INTS6: variants seen among roughly 807,000 people sequenced by gnomAD.
INTS6 encodes DEAD box protein.
INTS6 carries 16 observed loss-of-function variants against 104.9 expected under a neutral mutation model. That is an observed-to-expected ratio of 0.15 (90% CI 0.10 to 0.23). INTS6 has a LOEUF of 0.23. Among genes scored for constraint, INTS6 ranks in the 10% least tolerant of loss-of-function variants. The pLI, the probability that INTS6 is intolerant of heterozygous loss-of-function variation, is 1.00. For missense variants in INTS6, 584 were observed against 1,062.8 expected, an observed-to-expected ratio of 0.55 and a Z score of 6.26; for synonymous variants, 324 against 358.7, an observed-to-expected ratio of 0.90 and a Z score of 1.09.
Position 51,452,937 on chromosome 13 carries a change from T to C in INTS6, c.-412A>G. On this transcript the variant is annotated 5_prime_UTR_variant, in exon 1 of 18. Coordinates refer to ENST00000311234, the MANE Select transcript of INTS6 (RefSeq NM_012141.3). This position sits in a 1 kb window ranked among gnomAD's most constrained non-coding sequence, Gnocchi z 4.2. ...GGAGCTGGCGAAGAGGGGAGTGGGC[T>C]GAGGGAAGATTGGCCCTGGGGCTGT... 9.4e-7 allele frequency: 1 copy of C among 1,061,086 alleles called. No homozygotes were observed. The highest frequency in any genetic ancestry group is 1.1e-6 in the Non-Finnish European group (1 of 875,638). 65.7% of individuals were successfully genotyped at this position (1,061,086 alleles called of 1,614,324 possible).
intron 7 of INTS6, chr13:51,385,177 T>G (rs922654251): frequency 2.0e-5 from 3 of 153,756 alleles, no homozygotes; most frequent in African/African-American, 7.2e-5. Flanking sequence ...TGAGTTGGCA[T>G]GTAACAACCT....
intron 4 of INTS6, among the ~76,000 whole-genome samples, chr13:51,428,077 C>T (rs1250715655): frequency 3.3e-5 from 5 of 152,140 alleles, no homozygotes. Context: ...ATACATTGTA[C>T]CCCAAAGGGC....
At position 51,364,147 on chromosome 13, in the gene INTS6, T is replaced by A; in HGVS notation, c.*1605A>T. On this transcript the variant is annotated 3_prime_UTR_variant, in exon 18 of 18. Coordinates refer to ENST00000311234, the MANE Select transcript of INTS6 (RefSeq NM_012141.3). ...TCCATCTATTAAATGTTATCTTGCA[T>A]TACTTAAAAGTATTTGTATAGAAGT... 1.8e-6 allele frequency: 1 copy of A among 555,890 alleles called. No individual in the cohort carries two copies. The highest frequency in any genetic ancestry group is 3.3e-5 in the South Asian group (1 of 30,538). 34.4% of individuals were successfully genotyped at this position (555,890 alleles called of 1,614,324 possible).
At chr13:51,395,218 T>C (rs933273965) in intron 5 of INTS6, 82 bp downstream of exon 5, 1 of 1,324,324 alleles carries the variant, frequency 7.6e-7, no homozygotes, top group Admixed American at 2.5e-5. Flanking sequence ...AAAACAAACA[T>C]GGAGCTTTTG....
rs1955652865 is a variant in INTS6 at position 51,364,736 on chromosome 13, C to G, written c.*1016G>C. The G allele has an allele frequency of 6.5e-6, 1 of 153,148 alleles. No individual in the cohort carries two copies. The highest frequency in any genetic ancestry group is 1.5e-5 in the Non-Finnish European group (1 of 68,570). The allele number at this position is 153,148 out of a possible 1,614,324, so 9.5% of individuals were successfully genotyped here. A position where few individuals can be genotyped will look rare whatever the true frequency, so the allele number is the denominator to read the frequency against. On this transcript the variant is annotated 3_prime_UTR_variant, in exon 18 of 18. Coordinates refer to ENST00000311234, the MANE Select transcript of INTS6 (RefSeq NM_012141.3). ...ATAAAACAGAGTTTAAGTGTGAGAA[C>G]AGCAGAGCAGAACAAGGAGGCCTCC...
chr13:51,387,025 AG>A (rs1047662117), intron 7 of INTS6, among the ~76,000 whole-genome samples: 2 of 152,172 alleles, frequency 1.3e-5, no homozygotes, highest in African/African-American at 4.8e-5. Flanking sequence ...AAAAAATTGC[AG>A]GCAAACTATC....
chr13:51,403,988 G>T (rs371079476), intron 4 of INTS6, among the ~76,000 whole-genome samples: 1 of 151,914 alleles, frequency 6.6e-6, no homozygotes. Context: ...TTGGGAGGCT[G>T]AGGCAGGCAG....
At chr13:51,359,477 C>T (rs1282723237), downstream of INTS6, among the ~76,000 whole-genome samples, 1 of 152,058 alleles carries the variant, frequency 6.6e-6, no homozygotes, top group Non-Finnish European at 1.5e-5. Context: ...AATTATTGGA[C>T]CACTCCTATA....
intron 4 of INTS6, among the ~76,000 whole-genome samples, chr13:51,399,709 T>G (rs942585583): frequency 6.8e-6 from 1 of 147,992 alleles, no homozygotes; most frequent in South Asian, 2.2e-4. Context: ...CCATTGTGGG[T>G]GTGTGTGTGT....
intron 3 of INTS6, chr13:51,443,495 G>A (rs1952835597): frequency 6.6e-6 from 1 of 152,080 alleles, no homozygotes; most frequent in Admixed American, 6.5e-5. Flanking sequence ...TTTGTTTAAA[G>A]TCTGGCAACC....
intron 4 of INTS6, among the ~76,000 whole-genome samples, chr13:51,424,236 TAAC>T (rs1956947071): frequency 6.6e-6 from 1 of 152,070 alleles, no homozygotes; most frequent in Non-Finnish European, 1.5e-5. Flanking sequence ...TGATATATCT[TAAC>T]AAAGAATTCT....
Position 51,362,329 on chromosome 13 carries a change from G to T in INTS6, c.*3423C>A. 4.8e-6 allele frequency: 1 copy of T among 209,536 alleles called. No homozygotes were observed. The highest frequency in any genetic ancestry group is 1.0e-4 in the South Asian group (1 of 9,680). The allele number at this position is 209,536 out of a possible 1,614,324, so 13.0% of individuals were successfully genotyped here. The stretch of plus-strand genomic sequence containing the variant: ...TCCTAGTATTCTAATGAATGCACCT[G>T]GATTTCTATACTGTTCTGTTGATCT... On this transcript the variant is annotated 3_prime_UTR_variant, in exon 18 of 18. Coordinates refer to ENST00000311234, the MANE Select transcript of INTS6 (RefSeq NM_012141.3).
At chr13:51,404,337 CACAT>C (rs1566228729) in intron 4 of INTS6, among the ~76,000 whole-genome samples, 1 of 150,350 alleles carries the variant, frequency 6.7e-6, no homozygotes, top group African/African-American at 2.4e-5. Context: ...CACCCCAACA[CACAT>C]AGATACAAAG....
intron 3 of INTS6, chr13:51,447,891 T>G (rs1207222197): frequency 6.6e-6 from 1 of 151,888 alleles, no homozygotes; most frequent in African/African-American, 2.4e-5. Flanking sequence ...AAACCCAGTC[T>G]CTACTAAAAA....
Position 51,362,294 on chromosome 13 carries a change from C to G in INTS6, c.*3458G>C, listed in dbSNP as rs1409548142. On this transcript the variant is annotated 3_prime_UTR_variant, in exon 18 of 18. Coordinates refer to ENST00000311234, the MANE Select transcript of INTS6 (RefSeq NM_012141.3). ...GGTCACTAGAGTACACCAGAGTAGT[C>G]CTCTTGTGATCCTAGTATTCTAATG... 3.7e-6 allele frequency: 1 copy of G among 267,912 alleles called. No individual in the cohort carries two copies. The highest frequency in any genetic ancestry group is 6.3e-5 in the South Asian group (1 of 15,886). 16.6% of individuals were successfully genotyped at this position (267,912 alleles called of 1,614,324 possible).
At chr13:51,433,305 A>G (rs1450550604) in intron 3 of INTS6, among the ~76,000 whole-genome samples, 2 of 152,118 alleles carry the variant, frequency 1.3e-5, no homozygotes, top group Non-Finnish European at 2.9e-5. Context: ...AAATTAGCCA[A>G]GTGTGGTGGC....
chr13:51,416,181 T>A (rs2138051904), intron 4 of INTS6, among the ~76,000 whole-genome samples: 1 of 152,318 alleles, frequency 6.6e-6, no homozygotes, highest in East Asian at 1.9e-4. Flanking sequence ...AAATGATCTC[T>A]AAATTTGTTG....
chr13:51,337,840 C>A, the INTS6 span, among the ~76,000 whole-genome samples: 3 of 152,136 alleles, frequency 2.0e-5, no homozygotes, highest in African/African-American at 7.2e-5. Context: ...AAGAATGGAG[C>A]CTCACTTAGC....
chr13:51,383,571 G>GT lies in INTS6; in HGVS notation c.1047+17dup, dbSNP rs1306187750. 5.0e-6 allele frequency: 8 copies of GT among 1,611,816 alleles called. No individual in the cohort carries two copies. Among genetic ancestry groups the GT allele is most frequent in the Non-Finnish European group, 6.8e-6 (8 of 1,178,694 alleles). On this transcript the variant is annotated intron_variant, in intron 8 of 17. Transcript: ENST00000311234. ...GCCTCATTTAAATTTTGGGGTCACTGTAAGTTGTTCAGCTTACCTGCCAAC... is the reference window on the plus strand; with the variant it reads ...GCCTCATTTAAATTTTGGGGTCACTGTTAAGTTGTTCAGCTTACCTGCCAAC...
Sources: allele counts gnomAD v4.1 joint callset (sites outside exome capture counted in the v4.1 genomes callset), GRCh38; gene constraint gnomAD v4.1.1; non-coding constraint Gnocchi (gnomAD v3.1); transcripts MANE v1.5; gene names NCBI Gene and HGNC (gene_info 2026-07-23, HGNC 2026-07-21).